KIAA1328: variants seen among roughly 807,000 people sequenced by gnomAD.
KIAA1328 encodes protein hinderin.
KIAA1328 carries 52 observed loss-of-function variants against 68.1 expected under a neutral mutation model. The observed-to-expected ratio is 0.76, with a 90% CI of 0.61 to 0.96. The LOEUF is 0.96. KIAA1328 is among the 40% of genes least tolerant of loss of function. The pLI, the probability that KIAA1328 is intolerant of heterozygous loss-of-function variation, is 0.00. For missense variants in KIAA1328, 641 were observed against 677.6 expected (o/e 0.95, Z 0.60); for synonymous variants, 232 against 239.4 (o/e 0.97, Z 0.28).
chr18:37,232,076 G>C (rs933953947), downstream of KIAA1328: 1 of 152,162 alleles, frequency 6.6e-6, no homozygotes, highest in East Asian at 1.9e-4. Flanking sequence ...TTATGGAAGG[G>C]CATTTTTAAC....
chr18:37,044,042 T>C (rs1273854320), intron 6 of KIAA1328, among the ~76,000 whole-genome samples: 1 of 152,220 alleles, frequency 6.6e-6, no homozygotes, highest in Non-Finnish European at 1.5e-5. Context: ...ACATCGAGTG[T>C]AATAGTGTTC....
chr18:37,226,841 C>G (rs1179921320), downstream of KIAA1328, among the ~76,000 whole-genome samples: 1 of 150,692 alleles, frequency 6.6e-6, no homozygotes, highest in African/African-American at 2.5e-5. Flanking sequence ...AATCTCAGCT[C>G]ACTGCAACCT....
At chr18:36,990,765 A>G (rs1344612209) in intron 6 of KIAA1328, among the ~76,000 whole-genome samples, 1 of 152,000 alleles carries the variant, frequency 6.6e-6, no homozygotes, top group Non-Finnish European at 1.5e-5. Flanking sequence ...AACTTTGAAC[A>G]TGTTTGTGTT....
intron 5 of KIAA1328, chr18:36,895,750 T>A (rs533546626): frequency 4.4e-6 from 2 of 456,226 alleles, no homozygotes; most frequent in East Asian, 1.4e-4. Context: ...AGAATGTAGC[T>A]GAAGATAGGG....
intron 6 of KIAA1328, among the ~76,000 whole-genome samples, chr18:37,011,541 A>G (rs1179070306): frequency 6.6e-6 from 1 of 152,204 alleles, no homozygotes; most frequent in Non-Finnish European, 1.5e-5. Flanking sequence ...CCCAAATGAA[A>G]TGAAAATGTA....
intron 6 of KIAA1328, among the ~76,000 whole-genome samples, chr18:36,998,002 G>A (rs2053455402): frequency 6.6e-6 from 1 of 152,196 alleles, no homozygotes; most frequent in South Asian, 2.1e-4. Flanking sequence ...AGTGACAGAA[G>A]CTTCAGTGTG....
intron 3 of KIAA1328, among the ~76,000 whole-genome samples, chr18:36,843,847 G>T (rs569014881): frequency 6.6e-6 from 1 of 152,202 alleles, no homozygotes; most frequent in South Asian, 2.1e-4. Flanking sequence ...GCTAATCTTC[G>T]TATACCCTTA....
At chr18:37,163,333 G>C (rs2059322142) in intron 8 of KIAA1328, among the ~76,000 whole-genome samples, 1 of 152,104 alleles carries the variant, frequency 6.6e-6, no homozygotes. Context: ...CCTAAGTCAG[G>C]CTGTAAAACC....
chr18:37,128,805 A>G (rs146631430), intron 7 of KIAA1328, among the ~76,000 whole-genome samples: 92 of 152,348 alleles, frequency 6.0e-4, no homozygotes, highest in Admixed American at 5.9e-4. Flanking sequence ...CATCCATACA[A>G]TAGAATACTC....
At chr18:37,026,605 A>G (rs1402577463) in intron 6 of KIAA1328, among the ~76,000 whole-genome samples, 1 of 152,244 alleles carries the variant, frequency 6.6e-6, no homozygotes, top group Non-Finnish European at 1.5e-5. Flanking sequence ...TTGTATAAAT[A>G]GAACCAAAGA....
chr18:36,891,258 A>C (rs2048675522), intron 5 of KIAA1328, among the ~76,000 whole-genome samples: 1 of 152,224 alleles, frequency 6.6e-6, no homozygotes, highest in African/African-American at 2.4e-5. Flanking sequence ...ATATATTTAA[A>C]TACCACTCTA....
chr18:36,838,165 C>A (rs748658745), intron 3 of KIAA1328, among the ~76,000 whole-genome samples: 2 of 152,080 alleles, frequency 1.3e-5, no homozygotes, highest in Non-Finnish European at 2.9e-5. Context: ...GATCTTGTAT[C>A]CTGCAACTTT....
At chr18:36,974,143 C>G (rs568062504) in intron 6 of KIAA1328, among the ~76,000 whole-genome samples, 23 of 152,180 alleles carry the variant, frequency 1.5e-4, no homozygotes, top group African/African-American at 5.3e-4. Context: ...TCTCAATTCT[C>G]CATCTCAGAA....
intron 7 of KIAA1328, among the ~76,000 whole-genome samples, chr18:37,153,315 T>C (rs1160113958): frequency 6.6e-6 from 1 of 152,196 alleles, no homozygotes; most frequent in Non-Finnish European, 1.5e-5. Flanking sequence ...GCGTCATTGA[T>C]TTCCTTGGCT....
chr18:37,019,703 A>G (rs901180177), intron 6 of KIAA1328, among the ~76,000 whole-genome samples: 1 of 152,234 alleles, frequency 6.6e-6, no homozygotes, highest in African/African-American at 2.4e-5. Flanking sequence ...AGAAGGCCCC[A>G]TGCACCAAGA....
At chr18:36,842,972 C>A (rs968285193) in intron 3 of KIAA1328, among the ~76,000 whole-genome samples, 3 of 151,992 alleles carry the variant, frequency 2.0e-5, no homozygotes, top group Admixed American at 6.5e-5. Context: ...AAATTAAAAT[C>A]AAATGCCAAT....
At chr18:37,149,960 G>A (rs2058990832) in intron 7 of KIAA1328, among the ~76,000 whole-genome samples, 1 of 152,104 alleles carries the variant, frequency 6.6e-6, no homozygotes. Flanking sequence ...ATATTTTTAA[G>A]TAATGAAGGA....
At chr18:37,177,683 A>G (rs2059621037) in intron 9 of KIAA1328, among the ~76,000 whole-genome samples, 1 of 151,196 alleles carries the variant, frequency 6.6e-6, no homozygotes, top group Admixed American at 6.6e-5. Flanking sequence ...GTTTTGTTTT[A>G]TTTTGTTTTG....
At chr18:37,054,511 G>A (rs368924424) in intron 6 of KIAA1328, among the ~76,000 whole-genome samples, 3 of 152,182 alleles carry the variant, frequency 2.0e-5, no homozygotes, top group African/African-American at 7.2e-5. Context: ...ATCCTTTGCC[G>A]GAAAATGGAT....
Sources: gnomAD v4.1 joint callset for allele counts (sites outside exome capture counted in the v4.1 genomes callset) on GRCh38, gnomAD v4.1.1 for gene constraint, MANE v1.5 for transcripts, NCBI Gene and HGNC (gene_info 2026-07-23, HGNC 2026-07-21) for gene names.